KLK15: variants seen among roughly 807,000 people sequenced by gnomAD.
KLK15 encodes the protein kallikrein related peptidase 15, also known as kallikrein-15.
In KLK15, 19 loss-of-function variants were observed where a neutral mutation model predicts 21.1. The observed-to-expected ratio is 0.90, with a 90% CI of 0.63 to 1.32. The LOEUF is 1.32. Ranked by LOEUF, KLK15 falls within the 40% of genes most tolerant of loss-of-function variation. KLK15 has a pLI of 0.00. For synonymous variants in KLK15, 141 were observed against 141.5 expected (o/e 1.00, Z 0.03); for missense variants, 345 against 348.6 (o/e 0.99, Z 0.08).
chr19:50,833,183 T>G (rs1387008950), upstream of KLK15: 1 of 152,290 alleles, frequency 6.6e-6, no homozygotes, highest in East Asian at 1.9e-4. Flanking sequence ...ACCTCAGCAC[T>G]GCCCCACCTG....
intron 1 of KLK15, among the ~76,000 whole-genome samples, chr19:50,829,858 G>A (rs752567666): frequency 3.3e-5 from 5 of 151,518 alleles, no homozygotes; most frequent in African/African-American, 7.3e-5. Flanking sequence ...GGTTAAAACC[G>A]TGATTCACCC....
chr19:50,825,647 G>T, downstream of KLK15: 2 of 691,606 alleles, frequency 2.9e-6, no homozygotes, highest in Non-Finnish European at 4.6e-6. Context: ...CGCCAGCTTT[G>T]TCCTCAGGTG....
At chr19:50,828,216 G>T (rs2089919890) in intron 1 of KLK15, among the ~76,000 whole-genome samples, 1 of 151,480 alleles carries the variant, frequency 6.6e-6, no homozygotes, top group Non-Finnish European at 1.5e-5. Flanking sequence ...AAAGTGCTGG[G>T]ATTACAGGTG....
chr19:50,827,141 C>G (rs2089898463), exon 3 of KLK15: 1 of 1,593,196 alleles, frequency 6.3e-7, no homozygotes, highest in South Asian at 1.1e-5. Flanking sequence ...GTTGTGCTCT[C>G]CCAGGCGCAC....
Position 50,826,866 on chromosome 19 carries a change from C to T in KLK15, c.481+12G>A, listed in dbSNP as rs1241760823. 1 of 1,557,000 alleles carries T rather than the reference C, an allele frequency of 6.4e-7. No homozygotes were observed. The highest frequency in any genetic ancestry group is 1.9e-5 in the Admixed American group (1 of 53,504). ...CTTGAGGCCTCGCATCCAGCTCCATCCTTTCACGCACCTTGTGACCGGGGG... is the reference window on the plus strand; with the variant it reads ...CTTGAGGCCTCGCATCCAGCTCCATTCTTTCACGCACCTTGTGACCGGGGG... On this transcript the variant is annotated intron_variant, in intron 3 of 4. Coordinates refer to ENST00000598239, the Ensembl canonical transcript of KLK15.
chr19:50,828,941 C>G (rs2089932709), intron 1 of KLK15, among the ~76,000 whole-genome samples: 1 of 137,574 alleles, frequency 7.3e-6, no homozygotes, highest in Non-Finnish European at 1.5e-5. Flanking sequence ...TGCACTCCAG[C>G]CTGGGTGACA....
chr19:50,826,801 C>T (rs1382835557), intron 3 of KLK15, 44 bp from the exon 5 acceptor site: 1 of 1,586,168 alleles, frequency 6.3e-7, no homozygotes, highest in Non-Finnish European at 8.6e-7. Flanking sequence ...AAATTCCGGC[C>T]CTTGTCCCCT....
rs2089918586 is a variant in KLK15, at chr19:50,828,134, C to T, written c.44-319G>A. ...CTAATTTTTGTATTTTTAGTAGAGA[C>T]GAGGTCTCACCATGTTAGCCAGGGT... is the stretch of plus-strand genomic sequence containing the variant. On this transcript the variant is annotated intron_variant, in intron 1 of 4. Transcript: ENST00000598239. 2.0e-5 allele frequency among the ~76,000 whole-genome samples: 3 copies of T among 151,454 alleles called. No homozygotes were observed. In the South Asian group the frequency reaches 6.3e-4, roughly 32 times the overall value.
upstream of KLK15, chr19:50,831,632 A>G (rs535796804): frequency 8.9e-5 from 53 of 596,192 alleles, no homozygotes; most frequent in East Asian, 1.8e-3. Context: ...TCTTCTGACC[A>G]CCGGTATCCC....
At position 50,825,964 on chromosome 19, in the gene KLK15, G is replaced by A. The variant is rs1173574390; in HGVS notation, c.619-16C>T. On this transcript the variant is annotated splice_polypyrimidine_tract_variant and intron_variant, in intron 4 of 4. Transcript: ENST00000598239. ...CAGAGTCACCCTGTGGGGAAAAGAG[G>A]GGGTCTCAGGTTGAGTGAAACCTCC... 7 of 1,606,786 alleles carry A rather than the reference G, an allele frequency of 4.4e-6. No homozygotes were observed. Among genetic ancestry groups the A allele is most frequent in the Non-Finnish European group, 6.0e-6 (7 of 1,175,652 alleles).
intron 4 of KLK15, 149 bp downstream of exon 5, chr19:50,826,471 AC>A (rs1478750024): frequency 7.5e-5 from 67 of 891,180 alleles, no homozygotes; most frequent in Non-Finnish European, 8.9e-5. Flanking sequence ...CTCCAACCTC[AC>A]CCCTATTCTA....
At chr19:50,831,397 G>A in intron 1 of KLK15, 53 bp downstream of exon 2, 2 of 1,307,764 alleles carry the variant, frequency 1.5e-6, no homozygotes, top group Non-Finnish European at 2.0e-6. Flanking sequence ...AGACATGCTT[G>A]GGAAGGGGGC....
At chr19:50,830,837 C>T (rs1319479708) in intron 1 of KLK15, among the ~76,000 whole-genome samples, 1 of 151,976 alleles carries the variant, frequency 6.6e-6, no homozygotes, top group East Asian at 1.9e-4. Flanking sequence ...TGGTGCCCAC[C>T]ACACATAGAC....
At chr19:50,827,716 C>G (rs749516271) in exon 2 of KLK15, 1 of 1,611,322 alleles carries the variant, frequency 6.2e-7, no homozygotes, top group Admixed American at 1.7e-5. Context: ...GAGGGAAGCG[C>G]CACAGTTAAA....
intron 1 of KLK15, among the ~76,000 whole-genome samples, chr19:50,829,923 C>G (rs915143457): frequency 6.6e-6 from 1 of 151,712 alleles, no homozygotes; most frequent in Non-Finnish European, 1.5e-5. Flanking sequence ...GGCCAACACT[C>G]AGATGTGGAC....
At chr19:50,825,568 C>G, downstream of KLK15, 1 of 414,056 alleles carries the variant, frequency 2.4e-6, no homozygotes, top group East Asian at 4.0e-5. Context: ...AGAAAAAAGT[C>G]ACAGAAATTC....
upstream of KLK15, among the ~76,000 whole-genome samples, chr19:50,832,879 C>T (rs1410568540): frequency 6.6e-6 from 1 of 152,198 alleles, no homozygotes; most frequent in African/African-American, 2.4e-5. Flanking sequence ...GCTGGTCTGA[C>T]TCCACTCTGG....
At chr19:50,827,686 A>G in exon 2 of KLK15, 1 of 1,611,228 alleles carries the variant, frequency 6.2e-7, no homozygotes, top group Non-Finnish European at 8.5e-7. Flanking sequence ...GGCCGCAGAC[A>G]GCACCCAGTG....
At chr19:50,827,695 T>G (rs138137675) in exon 2 of KLK15, 1 of 1,611,142 alleles carries the variant, frequency 6.2e-7, no homozygotes. Flanking sequence ...CAGCACCCAG[T>G]GTGGGGAGAT....
Sources: allele counts gnomAD v4.1 joint callset (sites outside exome capture counted in the v4.1 genomes callset), GRCh38; gene constraint gnomAD v4.1.1; transcripts MANE v1.5; gene names NCBI Gene and HGNC (gene_info 2026-07-23, HGNC 2026-07-21).